Variants in PLAA observed in about 807,000 individuals in gnomAD.
PLAA encodes the protein phospholipase A-2-activating protein.
PLAA carries 48 observed loss-of-function variants against 84.1 expected under a neutral mutation model. The ratio of observed to expected loss-of-function variants is 0.57; its 90% confidence interval spans 0.45 to 0.73. PLAA has a LOEUF of 0.73. PLAA is among the 30% of genes least tolerant of loss of function. PLAA has a pLI of 0.00. For missense variants in PLAA, 903 were observed against 954.7 expected (o/e 0.95, Z 0.71); for synonymous variants, 392 against 336.6 (o/e 1.16, Z -1.80).
chr9:26,934,234 T>C (rs1281974662), intron 2 of PLAA, among the ~76,000 whole-genome samples: 2 of 152,180 alleles, frequency 1.3e-5, no homozygotes, highest in Non-Finnish European at 2.9e-5. Flanking sequence ...TAAAGAACTG[T>C]TAAGCCACAC....
At position 26,905,594 on chromosome 9, in the gene PLAA, C is replaced by T; in HGVS notation, c.2305G>A (p.Asp769Asn). 6.2e-7 allele frequency: 1 copy of T among 1,613,948 alleles called. No individual in the cohort carries two copies. Among genetic ancestry groups the T allele is most frequent in the Non-Finnish European group, 8.5e-7 (1 of 1,179,890 alleles). ...AVQLAKSLGV[D>N]SQIKKYSSVS... ...GAGGAATACTTTTTTATTTGAGAATCAACACCTAAAGACTTGGCTAATTGT... is the reference window on the plus strand; with the variant it reads ...GAGGAATACTTTTTTATTTGAGAATTAACACCTAAAGACTTGGCTAATTGT... The change falls in exon 14 of 14, where the codon GAT (aspartate) becomes AAT (asparagine). Residue 769 changes from aspartate to asparagine, a missense_variant. Asp to Asn is a conservative substitution (Grantham distance 23). Transcript: ENST00000397292.
rs562748564 is a variant in PLAA, at chr9:26,919,242, T to A, written c.1417+68A>T. The A allele has an allele frequency of 5.2e-6, 5 of 967,112 alleles. No homozygotes were observed. The South Asian group carries it at 6.7e-5, about 13-fold the overall frequency. The allele number at this position is 967,112 out of a possible 1,614,324, so 59.9% of individuals were successfully genotyped here. ...TGAAAAAGCTAATCACATGACTATT[T>A]GAAAACATCAAAAAAATCAATCAAC... On this transcript the variant is annotated intron_variant, in intron 9 of 13. Coordinates refer to ENST00000397292, the MANE Select transcript of PLAA (RefSeq NM_001031689.3).
At chr9:26,931,932 A>G (rs1825198406) in intron 2 of PLAA, among the ~76,000 whole-genome samples, 1 of 152,262 alleles carries the variant, frequency 6.6e-6, no homozygotes, top group South Asian at 2.1e-4. Flanking sequence ...TAAAACTACA[A>G]AAAACTTAGC....
At chr9:26,915,793 G>A in intron 10 of PLAA, 1 of 985,178 alleles carries the variant, frequency 1.0e-6, no homozygotes, top group African/African-American at 1.7e-5. Flanking sequence ...ATGGCCCCAG[G>A]AGTTTTCTTG....
chr9:26,916,598 C>T (rs1234802534), intron 10 of PLAA: 1 of 988,768 alleles, frequency 1.0e-6, no homozygotes. Flanking sequence ...GATTGTACTG[C>T]TCCATCCAAT....
chr9:26,925,834 A>G lies in PLAA; in HGVS notation c.860T>C (p.Val287Ala). 3 of 1,613,858 alleles carry G rather than the reference A, an allele frequency of 1.9e-6. No individual in the cohort carries two copies. In the East Asian group the frequency reaches 6.7e-5, roughly 36 times the overall value. Residue 287 changes from valine to alanine, a missense_variant, in exon 6 of 14, where the codon GTT (valine) becomes GCT (alanine). Physicochemically the swap from Val to Ala is moderately conservative, Grantham distance 64. Coordinates refer to ENST00000397292, the MANE Select transcript of PLAA (RefSeq NM_001031689.3). ...ACTAGAATATAAATACCTCGCACCAACCACAATGTCACCATTGTCGAGCAC... is the reference window on the plus strand; with the variant it reads ...ACTAGAATATAAATACCTCGCACCAGCCACAATGTCACCATTGTCGAGCAC... ...CCVLDNGDIVVGASDGIIRVF... is the reference protein window; with the variant it reads ...CCVLDNGDIVAGASDGIIRVF...
In PLAA at chr9:26,923,221, G is replaced by C. The variant is rs1006514199; in HGVS notation, c.996C>G (p.Ile332Met). 6.2e-7 allele frequency: 1 copy of C among 1,612,796 alleles called. No homozygotes were observed. The highest frequency in any genetic ancestry group is 8.5e-7 in the Non-Finnish European group (1 of 1,179,128). The part of the protein sequence containing the change: ...IDSKTGDLGD[I>M]NAEQLPGREH... ...CCCTCCCAGGAAGCTGCTCAGCATT[G>C]ATGTCCCCTAAATCGCCAGTTTTAG... The change falls in exon 7 of 14, where the codon ATC (isoleucine) becomes ATG (methionine). Residue 332 changes from isoleucine (I) to methionine (M), a missense_variant. Transcript: ENST00000397292.
intron 1 of PLAA, among the ~76,000 whole-genome samples, chr9:26,941,312 C>G (rs1014797607): frequency 6.6e-6 from 1 of 152,018 alleles, no homozygotes; most frequent in African/African-American, 2.4e-5. Flanking sequence ...ATAGTTGAGT[C>G]TTGGGAGTGT....
At chr9:26,907,343 C>T (rs1298975710) in intron 13 of PLAA, among the ~76,000 whole-genome samples, 1 of 151,630 alleles carries the variant, frequency 6.6e-6, no homozygotes, top group Non-Finnish European at 1.5e-5. Flanking sequence ...TCCTGGCTAA[C>T]GTGGTGAAAC....
At chr9:26,940,911 T>A (rs1279136913) in intron 1 of PLAA, among the ~76,000 whole-genome samples, 1 of 152,056 alleles carries the variant, frequency 6.6e-6, no homozygotes, top group African/African-American at 2.4e-5. Context: ...CCAGAGGAAG[T>A]CAAAAGATAG....
chr9:26,911,890 G>A (rs909994649), intron 11 of PLAA, among the ~76,000 whole-genome samples: 3 of 152,108 alleles, frequency 2.0e-5, no homozygotes, highest in Admixed American at 2.0e-4. Flanking sequence ...AGATAAAGAC[G>A]AAACACTTAG....
At chr9:26,916,731 G>A (rs1205296717) in intron 10 of PLAA, 1 of 973,852 alleles carries the variant, frequency 1.0e-6, no homozygotes, top group Non-Finnish European at 1.2e-6. Flanking sequence ...AAAAAAATAG[G>A]CTCAGACAGG....
intron 9 of PLAA, among the ~76,000 whole-genome samples, chr9:26,918,288 A>ATTTTTTTTT (rs1185916022): frequency 1.7e-4 from 16 of 95,682 alleles, no homozygotes; most frequent in Non-Finnish European, 1.7e-4. Context: ...AATTTTTTGT[A>ATTTTTTTTT]TTTTTTTTTT....
At chr9:26,937,804 A>C (rs1825409495) in intron 1 of PLAA, among the ~76,000 whole-genome samples, 1 of 152,128 alleles carries the variant, frequency 6.6e-6, no homozygotes, top group Admixed American at 6.5e-5. Flanking sequence ...AGCAAGAAGA[A>C]ATAATTAGCA....
chr9:26,947,132 G>C lies in PLAA; in HGVS notation c.-87C>G, dbSNP rs535299977. The C allele has an allele frequency of 5.1e-6, 7 of 1,381,588 alleles. No individual in the cohort carries two copies. The highest frequency in any genetic ancestry group is 5.7e-6 in the Non-Finnish European group (6 of 1,061,270). 85.6% of individuals were successfully genotyped at this position (1,381,588 alleles called of 1,614,324 possible). The stretch of plus-strand genomic sequence containing the variant: ...CTCGGAGAGCGCCGGGCCGCGGCGG[G>C]AGAAGAGCCTGCAGGTAAGGGGCGG... On this transcript the variant is annotated 5_prime_UTR_variant, in exon 1 of 14. Coordinates refer to ENST00000397292, the MANE Select transcript of PLAA (RefSeq NM_001031689.3).
chr9:26,908,342 G>C (rs893846855), intron 12 of PLAA, among the ~76,000 whole-genome samples: 6 of 150,652 alleles, frequency 4.0e-5, no homozygotes, highest in African/African-American at 1.5e-4. Context: ...AATTTTTTGT[G>C]TTTTTAGTAG....
At chr9:26,915,563 T>C (rs1343279343) in intron 10 of PLAA, 1 of 420,974 alleles carries the variant, frequency 2.4e-6, no homozygotes, top group Admixed American at 6.4e-5. Flanking sequence ...GTGGCTTAAA[T>C]ATACTCCAGG....
intron 10 of PLAA, chr9:26,916,095 G>A: frequency 1.0e-6 from 1 of 985,206 alleles, no homozygotes; most frequent in Non-Finnish European, 1.2e-6. Context: ...TTTCCATCTG[G>A]GCCATCAATA....
In PLAA at chr9:26,914,076, A is replaced by C. The variant is rs1203356681; in HGVS notation, c.1487-129T>G. The C allele has an allele frequency of 4.7e-6, 3 of 638,544 alleles. No individual in the cohort carries two copies. The Admixed American group carries it at 7.8e-5, about 17-fold the overall frequency. The allele number at this position is 638,544 out of a possible 1,614,324, so 39.6% of individuals were successfully genotyped here. ...TCATTATATACATAATAAATATGCC[A>C]CAAATTTAATACAGAAAAGTGCTTA... On this transcript the variant is annotated intron_variant, in intron 10 of 13. Transcript: ENST00000397292.
Sources: allele counts gnomAD v4.1 joint callset (sites outside exome capture counted in the v4.1 genomes callset), GRCh38; gene constraint gnomAD v4.1.1; transcripts MANE v1.5; gene names NCBI Gene and HGNC (gene_info 2026-07-23, HGNC 2026-07-21).